Variants in ABTB2 observed in about 807,000 individuals in gnomAD.
ABTB2 encodes the protein ankyrin repeat and BTB/POZ domain-containing protein 2.
Under a neutral mutation model 104.1 loss-of-function variants are expected in ABTB2, and 56 were observed. The observed-to-expected ratio is 0.54, with a 90% confidence interval of 0.43 to 0.67. The LOEUF is 0.67. Among genes scored for constraint, ABTB2 ranks in the 30% least tolerant of loss-of-function variants. The pLI, the probability that ABTB2 is intolerant of heterozygous loss-of-function variation, is 0.00. For synonymous variants in ABTB2, 606 were observed against 608.2 expected (o/e 1.00, Z 0.05); for missense variants, 1,279 against 1,407.7 (o/e 0.91, Z 1.46).
chr11:34,258,657 G>A (rs189123045), intron 1 of ABTB2, among the ~76,000 whole-genome samples: 47 of 140,840 alleles, frequency 3.3e-4, no homozygotes, highest in South Asian at 3.0e-3. Context: ...TGTTGCCTAG[G>A]CTGGAGTGCA....
intron 1 of ABTB2, among the ~76,000 whole-genome samples, chr11:34,249,939 A>G (rs941356387): frequency 6.6e-6 from 1 of 152,214 alleles, no homozygotes; most frequent in Non-Finnish European, 1.5e-5. Flanking sequence ...AGTGGTCTAC[A>G]TGGCTCTGGC....
At chr11:34,307,565 C>T (rs903218467) in intron 1 of ABTB2, among the ~76,000 whole-genome samples, 8 of 152,296 alleles carry the variant, frequency 5.3e-5, no homozygotes, top group South Asian at 2.1e-4. Flanking sequence ...CATGGCTCTC[C>T]GAGAGAGGGC....
At chr11:34,195,075 C>CGGGGGGGGGGGGGGGGGGG (rs1461939590) in intron 3 of ABTB2, among the ~76,000 whole-genome samples, 1 of 18,064 alleles carries the variant, frequency 5.5e-5, no homozygotes, top group Non-Finnish European at 2.0e-4. Context: ...AGATGCCCGG[C>CGGGGGGGGGGGGGGGGGGG]GGGGGGGGGG....
At chr11:34,307,412 C>G (rs1283437997) in intron 1 of ABTB2, among the ~76,000 whole-genome samples, 1 of 152,182 alleles carries the variant, frequency 6.6e-6, no homozygotes, top group Non-Finnish European at 1.5e-5. Context: ...CCTGTATTAC[C>G]ACTACATCCT....
chr11:34,324,832 G>A (rs1855049207), intron 1 of ABTB2, among the ~76,000 whole-genome samples: 1 of 152,202 alleles, frequency 6.6e-6, no homozygotes, highest in African/African-American at 2.4e-5. Context: ...AGACACCAAA[G>A]CAGGAGTCAG....
At chr11:34,281,978 C>T (rs781767018) in intron 1 of ABTB2, among the ~76,000 whole-genome samples, 122 of 152,304 alleles carry the variant, frequency 8.0e-4, no homozygotes, top group Non-Finnish European at 1.4e-3. Context: ...TTATATATGT[C>T]TTAGTTCGTT....
intron 1 of ABTB2, among the ~76,000 whole-genome samples, chr11:34,243,823 AC>A (rs1327324590): frequency 6.6e-6 from 1 of 151,986 alleles, no homozygotes; most frequent in East Asian, 1.9e-4. Flanking sequence ...TCGCAGACAC[AC>A]CCCAGCCCTG....
chr11:34,223,502 C>T (rs1853651389), intron 1 of ABTB2, among the ~76,000 whole-genome samples: 1 of 152,216 alleles, frequency 6.6e-6, no homozygotes, highest in South Asian at 2.1e-4. Flanking sequence ...CTACCTCCCT[C>T]CCAACCACAC....
chr11:34,209,386 G>A (rs923974108), intron 1 of ABTB2, among the ~76,000 whole-genome samples: 5 of 149,240 alleles, frequency 3.4e-5, no homozygotes, highest in South Asian at 4.3e-4. Flanking sequence ...AATAGATAAC[G>A]TCCTTCTCTG....
At chr11:34,344,718 G>C (rs7940409) in intron 1 of ABTB2, among the ~76,000 whole-genome samples, 1 of 152,116 alleles carries the variant, frequency 6.6e-6, no homozygotes, top group East Asian at 1.9e-4. Flanking sequence ...GTCTGATCTC[G>C]AACTCCTGGA....
At chr11:34,306,270 C>T (rs903397404) in intron 1 of ABTB2, among the ~76,000 whole-genome samples, 1 of 86,396 alleles carries the variant, frequency 1.2e-5, no homozygotes, top group Non-Finnish European at 2.0e-5. Flanking sequence ...TTTTTTGAGA[C>T]GGAGTCTTCT....
At chr11:34,311,297 T>C (rs1279606916) in intron 1 of ABTB2, among the ~76,000 whole-genome samples, 1 of 152,202 alleles carries the variant, frequency 6.6e-6, no homozygotes, top group Non-Finnish European at 1.5e-5. Context: ...GAAAAGCACA[T>C]TGCAAGTGCT....
At chr11:34,320,965 C>T (rs1259259359) in intron 1 of ABTB2, among the ~76,000 whole-genome samples, 2 of 152,064 alleles carry the variant, frequency 1.3e-5, no homozygotes, top group African/African-American at 4.8e-5. Context: ...GGTGGATCAC[C>T]TGAGGTCGGG....
At chr11:34,328,613 G>A (rs1223409103) in intron 1 of ABTB2, among the ~76,000 whole-genome samples, 1 of 152,232 alleles carries the variant, frequency 6.6e-6, no homozygotes, top group Non-Finnish European at 1.5e-5. Flanking sequence ...TTCCTCCAGA[G>A]CAGAAACCAC....
In ABTB2 at chr11:34,284,618, G is replaced by C. The variant is rs534992677; in HGVS notation, c.883+72083C>G. Among the ~76,000 whole-genome samples the C allele has an allele frequency of 2.0e-5, 3 of 152,374 alleles. No individual in the cohort carries two copies. In the South Asian group the frequency reaches 6.2e-4, roughly 32 times the overall value. ...GACAGAGGTGAGGAGGTCATACTTA[G>C]GGTGAGTTGTTGACGGATGAACAAG... On this transcript the variant is annotated intron_variant, in intron 1 of 16. Transcript: ENST00000435224.
At chr11:34,237,867 C>T (rs1853865397) in intron 1 of ABTB2, among the ~76,000 whole-genome samples, 1 of 152,132 alleles carries the variant, frequency 6.6e-6, no homozygotes, top group Non-Finnish European at 1.5e-5. Flanking sequence ...CATTGCACTC[C>T]AGCCTGGGCA....
intron 1 of ABTB2, among the ~76,000 whole-genome samples, chr11:34,233,900 T>C (rs753518421): frequency 2.0e-5 from 3 of 152,244 alleles, no homozygotes; most frequent in Non-Finnish European, 4.4e-5. Context: ...CACCTAATGC[T>C]GAATCCTGTA....
intron 1 of ABTB2, among the ~76,000 whole-genome samples, chr11:34,349,749 T>A (rs971301892): frequency 5.3e-5 from 8 of 152,204 alleles, no homozygotes; most frequent in African/African-American, 1.9e-4. Context: ...ACATTTTTGA[T>A]GGTCTCAACT....
chr11:34,170,880 G>A, intron 5 of ABTB2, 26 bp downstream of exon 5: 1 of 1,605,864 alleles, frequency 6.2e-7, no homozygotes, highest in Non-Finnish European at 8.5e-7. Flanking sequence ...CCTCGTGCCT[G>A]TCTTTGTGGA....
Sources: gnomAD v4.1 joint callset for allele counts (sites outside exome capture counted in the v4.1 genomes callset) on GRCh38, gnomAD v4.1.1 for gene constraint, MANE v1.5 for transcripts, NCBI Gene and HGNC (gene_info 2026-07-23, HGNC 2026-07-21) for gene names.